CALCR: variants seen among roughly 807,000 people sequenced by gnomAD.
CALCR encodes the protein calcitonin receptor.
Under a neutral mutation model 59.5 loss-of-function variants are expected in CALCR, and 47 were observed. The observed-to-expected ratio is 0.79, with a 90% CI of 0.63 to 1.01. The LOEUF is 1.01. CALCR is among the 50% of genes least tolerant of loss of function. The pLI is 0.00. For synonymous variants in CALCR, 213 were observed against 211.3 expected, an observed-to-expected ratio of 1.01 and a Z score of -0.07; for missense variants, 566 against 597.1, an observed-to-expected ratio of 0.95 and a Z score of 0.54.
chr7:93,555,246 T>G (rs1789567481), intron 2 of CALCR, among the ~76,000 whole-genome samples: 1 of 151,902 alleles, frequency 6.6e-6, no homozygotes, highest in South Asian at 2.1e-4. Context: ...AGGTCAGGGT[T>G]TGATAGTTGG....
chr7:93,430,046 C>T (rs2282998), intron 13 of CALCR, among the ~76,000 whole-genome samples: 6,599 of 151,666 alleles, frequency 0.044, 286 homozygotes, highest in Admixed American at 0.13. Flanking sequence ...ATTCTTCTGC[C>T]TCAGCCTCCC....
chr7:93,449,988 G>A (rs1470664162), intron 8 of CALCR, among the ~76,000 whole-genome samples: 2 of 152,038 alleles, frequency 1.3e-5, no homozygotes, highest in Admixed American at 6.6e-5. Context: ...GACTGGGCAT[G>A]CGTATGTGCC....
chr7:93,513,478 G>A (rs773541110), intron 2 of CALCR, among the ~76,000 whole-genome samples: 1 of 151,986 alleles, frequency 6.6e-6, no homozygotes, highest in Non-Finnish European at 1.5e-5. Context: ...TATTTGAGTA[G>A]TAGTCCCATG....
At chr7:93,445,555 A>G (rs987232408) in intron 8 of CALCR, among the ~76,000 whole-genome samples, 48 of 152,242 alleles carry the variant, frequency 3.2e-4, no homozygotes, top group African/African-American at 1.1e-3. Flanking sequence ...AGTTGCTTCA[A>G]AAACTGAAAT....
chr7:93,504,894 T>TTTC (rs1299601451), intron 2 of CALCR, among the ~76,000 whole-genome samples: 1 of 152,160 alleles, frequency 6.6e-6, no homozygotes, highest in Non-Finnish European at 1.5e-5. Context: ...TATGCAAGAA[T>TTTC]CTTAGGGGTG....
intron 2 of CALCR, among the ~76,000 whole-genome samples, chr7:93,563,081 A>C (rs749205050): frequency 1.4e-4 from 21 of 152,194 alleles, no homozygotes; most frequent in Admixed American, 2.6e-4. Flanking sequence ...AGTACACACA[A>C]AGTTTCCTTT....
chr7:93,515,981 T>C (rs1563004185), intron 2 of CALCR, among the ~76,000 whole-genome samples: 1 of 151,716 alleles, frequency 6.6e-6, no homozygotes, highest in Non-Finnish European at 1.5e-5. Context: ...ATTAAAAATA[T>C]AAGAAAGCAT....
At chr7:93,559,940 T>A (rs1789706481) in intron 2 of CALCR, 1 of 152,104 alleles carries the variant, frequency 6.6e-6, no homozygotes. Context: ...AACTGTTAAA[T>A]CTTTTAAGTT....
At chr7:93,542,537 C>T (rs999535157) in intron 2 of CALCR, among the ~76,000 whole-genome samples, 1 of 152,226 alleles carries the variant, frequency 6.6e-6, no homozygotes, top group Middle Eastern at 3.4e-3. Context: ...ACACTGTACA[C>T]TTAGCCTACA....
At chr7:93,548,708 CATT>C (rs1789363343) in intron 2 of CALCR, among the ~76,000 whole-genome samples, 1 of 150,048 alleles carries the variant, frequency 6.7e-6, no homozygotes, top group African/African-American at 2.4e-5. Flanking sequence ...TCATTCATCT[CATT>C]AAGAGAAGCA....
chr7:93,547,800 T>C (rs2116214053), intron 2 of CALCR, among the ~76,000 whole-genome samples: 1 of 152,332 alleles, frequency 6.6e-6, no homozygotes, highest in East Asian at 1.9e-4. Context: ...CTGAATTCAC[T>C]TGACCTCTGT....
At chr7:93,469,358 A>C (rs941502519) in intron 6 of CALCR, among the ~76,000 whole-genome samples, 5 of 148,112 alleles carry the variant, frequency 3.4e-5, no homozygotes, top group Admixed American at 6.8e-5. Flanking sequence ...GGTTAATTTT[A>C]TTTATTCTCC....
At chr7:93,545,911 G>A (rs917226237) in intron 2 of CALCR, among the ~76,000 whole-genome samples, 6 of 152,036 alleles carry the variant, frequency 3.9e-5, no homozygotes, top group Non-Finnish European at 7.4e-5. Flanking sequence ...AGGGATTAAA[G>A]TAGGGGCTAA....
intron 2 of CALCR, among the ~76,000 whole-genome samples, chr7:93,549,307 A>G (rs1030429950): frequency 6.6e-6 from 1 of 152,136 alleles, no homozygotes; most frequent in Non-Finnish European, 1.5e-5. Context: ...GGGCAATAAC[A>G]TATTTTTCAA....
chr7:93,495,298 T>C (rs1239821052), intron 2 of CALCR, among the ~76,000 whole-genome samples: 1 of 151,398 alleles, frequency 6.6e-6, no homozygotes, highest in African/African-American at 2.4e-5. Flanking sequence ...ATTATTTGTT[T>C]ACTTGCTTCT....
At chr7:93,558,467 T>C (rs745373072) in intron 2 of CALCR, among the ~76,000 whole-genome samples, 75 of 152,114 alleles carry the variant, frequency 4.9e-4, no homozygotes, top group Non-Finnish European at 5.6e-4. Context: ...GTTAGAAGAA[T>C]GCCATTTGAA....
intron 2 of CALCR, among the ~76,000 whole-genome samples, chr7:93,561,471 A>T (rs1188243846): frequency 1.3e-5 from 2 of 152,144 alleles, no homozygotes; most frequent in East Asian, 3.9e-4. Flanking sequence ...TTTCCAGATA[A>T]ATAAATACAA....
rs753050253 is a variant in CALCR, at chr7:93,435,942, G to C, written c.1149+10C>G. On this transcript the variant is annotated intron_variant, in intron 12 of 13. Coordinates refer to ENST00000426151, the MANE Select transcript of CALCR (RefSeq NM_001742.4). ...CAGTAGTTGAATAAATACACCTTTG[G>C]CTTCCTTACCTGGAAATGAATCAGA... The C allele has an allele frequency of 1.3e-6, 2 of 1,555,760 alleles. No individual in the cohort carries two copies. The highest frequency in any genetic ancestry group is 1.8e-6 in the Non-Finnish European group (2 of 1,127,190).
chr7:93,470,236 T>C (rs1800523156), intron 6 of CALCR, among the ~76,000 whole-genome samples: 1 of 150,214 alleles, frequency 6.7e-6, no homozygotes, highest in Non-Finnish European at 1.5e-5. Context: ...GTAGCTTTCT[T>C]GGGAGGGATT....
Sources: gnomAD v4.1 joint callset for allele counts (sites outside exome capture counted in the v4.1 genomes callset) on GRCh38, gnomAD v4.1.1 for gene constraint, MANE v1.5 for transcripts, NCBI Gene and HGNC (gene_info 2026-07-23, HGNC 2026-07-21) for gene names.